The following USP12 variants were observed in gnomAD, a reference collection of about 807,000 sequenced individuals.
USP12 encodes the protein ubiquitin specific peptidase 12, also known as ubiquitin carboxyl-terminal hydrolase 12.
In USP12, 19 loss-of-function variants were observed where a neutral mutation model predicts 45.5. The observed-to-expected ratio is 0.42, with a 90% CI of 0.29 to 0.61. The LOEUF is 0.61. USP12 is among the 20% of genes least tolerant of loss of function. USP12 has a pLI of 0.22. For missense variants in USP12, 242 were observed against 447.7 expected (o/e 0.54, Z 4.15); for synonymous variants, 149 against 148.8 (o/e 1.00, Z -0.01).
Position 27,089,647 on chromosome 13 carries a change from T to C in USP12, c.734+236A>G, listed in dbSNP as rs1162842293. The C allele has an allele frequency of 1.8e-5, 8 of 447,980 alleles. No homozygotes were observed. In the East Asian group the frequency reaches 2.6e-4, roughly 15 times the overall value. The allele number at this position is 447,980 out of a possible 1,614,324, so 27.8% of individuals were successfully genotyped here. Reference sequence around the variant, plus strand: ...CAAATATTTTAACTGTACTGGTTTATGATGATTAAATAATCGCTAGACATA... The same window carrying C: ...CAAATATTTTAACTGTACTGGTTTACGATGATTAAATAATCGCTAGACATA... On this transcript the variant is annotated intron_variant, in intron 6 of 8. Transcript: ENST00000282344.
Position 27,106,038 on chromosome 13 carries a change from C to G in USP12, c.130-94G>C, listed in dbSNP as rs557546251. On this transcript the variant is annotated intron_variant, in intron 2 of 8. Coordinates refer to ENST00000282344, the MANE Select transcript of USP12 (RefSeq NM_182488.4). ...TATGGTTGAGAACAGAAAGAGATGACAATCGGTTACTACTGTTACTATAAC... is the reference window on the plus strand; with the variant it reads ...TATGGTTGAGAACAGAAAGAGATGAGAATCGGTTACTACTGTTACTATAAC... 1.3e-5 allele frequency: 13 copies of G among 1,019,206 alleles called. No homozygotes were observed. In the East Asian group the frequency reaches 2.9e-4, roughly 22 times the overall value. The allele number at this position is 1,019,206 out of a possible 1,614,324, so 63.1% of individuals were successfully genotyped here. A position where few individuals can be genotyped will look rare whatever the true frequency, so the allele number is the denominator to read the frequency against.
intron 1 of USP12, among the ~76,000 whole-genome samples, chr13:27,158,833 T>C (rs2484111): frequency 0.29 from 43,696 of 152,044 alleles, 6,800 homozygotes; most frequent in Non-Finnish European, 0.35. Flanking sequence ...TCATGGGAAA[T>C]TAAAATGCAC....
chr13:27,148,851 T>TA (rs374220880), intron 1 of USP12, among the ~76,000 whole-genome samples: 104 of 133,718 alleles, frequency 7.8e-4, no homozygotes, highest in African/African-American at 2.9e-3. Flanking sequence ...CTTGTCATGA[T>TA]AAAAACATAG....
chr13:27,079,577 G>GCAAGCA (rs562401707), intron 6 of USP12, among the ~76,000 whole-genome samples: 103 of 152,298 alleles, frequency 6.8e-4, no homozygotes, highest in African/African-American at 2.4e-3. Context: ...CCAGCCGCAG[G>GCAAGCA]CAAGCAACAC....
chr13:27,082,177 C>T (rs957078704), intron 6 of USP12, among the ~76,000 whole-genome samples: 1 of 152,184 alleles, frequency 6.6e-6, no homozygotes, highest in Non-Finnish European at 1.5e-5. Flanking sequence ...AGACTGTTTC[C>T]TCTATATTGA....
intron 6 of USP12, among the ~76,000 whole-genome samples, chr13:27,086,282 TAC>T (rs71083627): frequency 0.031 from 4,206 of 137,404 alleles, 162 homozygotes; most frequent in African/African-American, 0.087. Flanking sequence ...TATATATAAT[TAC>T]ACACACACAC....
intron 8 of USP12, 69 bp downstream of exon 8, chr13:27,071,002 T>A: frequency 7.6e-7 from 1 of 1,314,890 alleles, no homozygotes; most frequent in Non-Finnish European, 1.1e-6. Flanking sequence ...AATGAAAAAC[T>A]ATGAGAAAAA....
chr13:27,164,068 A>C (rs1474801546), intron 1 of USP12, among the ~76,000 whole-genome samples: 4 of 142,234 alleles, frequency 2.8e-5, no homozygotes, highest in Admixed American at 1.5e-4. Flanking sequence ...TAGAAAAAGC[A>C]CTCTTTATCC....
Position 27,113,776 on chromosome 13 carries a change from T to C in USP12, c.129+2740A>G, listed in dbSNP as rs546792184. Among the ~76,000 whole-genome samples the C allele has an allele frequency of 2.6e-5, 4 of 152,332 alleles. No individual in the cohort carries two copies. In the South Asian group the frequency reaches 8.3e-4, roughly 32 times the overall value. ...TCCCAGGTTTGATATGGATATTTTC[T>C]GGACTCTCCAACAATGTAAACCTCA... On this transcript the variant is annotated intron_variant, in intron 2 of 8. Transcript: ENST00000282344.
At chr13:27,099,167 A>T (rs995586053) in intron 3 of USP12, among the ~76,000 whole-genome samples, 21 of 152,230 alleles carry the variant, frequency 1.4e-4, no homozygotes, top group Non-Finnish European at 2.9e-4. Context: ...AAGGTATTTC[A>T]AAGGAAGACG....
intron 1 of USP12, among the ~76,000 whole-genome samples, chr13:27,142,673 T>C (rs1442973051): frequency 6.6e-6 from 1 of 152,186 alleles, no homozygotes; most frequent in Non-Finnish European, 1.5e-5. Flanking sequence ...AAAATTACAG[T>C]AGTCAGTTTG....
At chr13:27,162,270 A>C (rs986000230) in intron 1 of USP12, among the ~76,000 whole-genome samples, 3 of 152,242 alleles carry the variant, frequency 2.0e-5, no homozygotes, top group Non-Finnish European at 4.4e-5. Context: ...GAAAATAATT[A>C]GTGAGGACTC....
intron 1 of USP12, among the ~76,000 whole-genome samples, chr13:27,131,587 GAA>G (rs758062143): frequency 2.6e-5 from 4 of 152,164 alleles, no homozygotes; most frequent in Non-Finnish European, 4.4e-5. Context: ...TATGTAAATG[GAA>G]AAGAGACCAC....
At chr13:27,114,353 T>C (rs1470743459) in intron 2 of USP12, among the ~76,000 whole-genome samples, 1 of 152,208 alleles carries the variant, frequency 6.6e-6, no homozygotes, top group Non-Finnish European at 1.5e-5. Context: ...AAAAGGCAAT[T>C]TATCAGGTTA....
intron 6 of USP12, among the ~76,000 whole-genome samples, chr13:27,078,372 T>C (rs1164811540): frequency 6.6e-6 from 1 of 152,168 alleles, no homozygotes; most frequent in African/African-American, 2.4e-5. Context: ...TATCAGGGAC[T>C]TGAGCAACCA....
At chr13:27,098,861 C>T (rs1023331046) in intron 3 of USP12, among the ~76,000 whole-genome samples, 9 of 152,118 alleles carry the variant, frequency 5.9e-5, no homozygotes, top group African/African-American at 9.7e-5. Context: ...GGAAACAGTT[C>T]CATTGAATTA....
intron 6 of USP12, among the ~76,000 whole-genome samples, chr13:27,085,497 G>GA (rs1225041811): frequency 1.3e-5 from 2 of 151,908 alleles, no homozygotes; most frequent in Non-Finnish European, 2.9e-5. Context: ...TTGATTTTTG[G>GA]TTTTTTACTA....
intron 1 of USP12, among the ~76,000 whole-genome samples, chr13:27,122,735 T>C (rs943865102): frequency 2.0e-5 from 3 of 152,150 alleles, no homozygotes; most frequent in African/African-American, 7.2e-5. Flanking sequence ...TAATATCAGA[T>C]AGTACTTTTT....
chr13:27,144,410 G>C (rs114774810), intron 1 of USP12, among the ~76,000 whole-genome samples: 1 of 150,324 alleles, frequency 6.7e-6, no homozygotes, highest in Admixed American at 6.7e-5. Context: ...CAGGATGTTC[G>C]CTTGAGCCCA....
Sources: gnomAD v4.1 joint callset for allele counts (sites outside exome capture counted in the v4.1 genomes callset) on GRCh38, gnomAD v4.1.1 for gene constraint, MANE v1.5 for transcripts, NCBI Gene and HGNC (gene_info 2026-07-23, HGNC 2026-07-21) for gene names.